Variants in NEXMIF observed in about 807,000 individuals in gnomAD.
NEXMIF encodes the protein neurite extension and migration factor.
A neutral mutation model predicts 62.1 loss-of-function variants in NEXMIF; 8 were observed. The ratio of observed to expected loss-of-function variants is 0.13; its 90% CI spans 0.08 to 0.23. NEXMIF has a LOEUF of 0.23. Ranked by LOEUF, NEXMIF falls within the 10% of genes least tolerant of loss-of-function variation. NEXMIF has a pLI of 1.00. For synonymous variants in NEXMIF, 404 were observed against 416.6 expected, an observed-to-expected ratio of 0.97 and a Z score of 0.37; for missense variants, 976 against 1,113.3, an observed-to-expected ratio of 0.88 and a Z score of 1.75.
intron 1 of NEXMIF, among the ~76,000 whole-genome samples, chrX:74,795,433 C>T (rs766726158): frequency 2.7e-5 from 3 of 111,988 alleles, no homozygotes; most frequent in African/African-American, 6.5e-5. Flanking sequence ...AGAAGCCATA[C>T]CCAAAGACTA....
chrX:74,904,072 C>A (rs1217592582), intron 1 of NEXMIF, among the ~76,000 whole-genome samples: 1 of 111,039 alleles, frequency 9.0e-6, no homozygotes, highest in East Asian at 2.8e-4. Context: ...GAAACTACCA[C>A]AGTCTTTTCC....
At chrX:74,885,492 A>T (rs1317790779) in intron 1 of NEXMIF, among the ~76,000 whole-genome samples, 1 of 111,863 alleles carries the variant, frequency 8.9e-6, no homozygotes, top group African/African-American at 3.2e-5. Context: ...AGAAATACAA[A>T]CTACCATCAG....
chrX:74,864,143 G>A (rs1193404939), intron 1 of NEXMIF, among the ~76,000 whole-genome samples: 1 of 111,413 alleles, frequency 9.0e-6, no homozygotes, highest in Non-Finnish European at 1.9e-5. Context: ...ATGAAAGCTG[G>A]AAGCATTCCA....
intron 1 of NEXMIF, among the ~76,000 whole-genome samples, chrX:74,863,004 C>A (rs1447147870): frequency 9.1e-6 from 1 of 109,843 alleles, no homozygotes; most frequent in Non-Finnish European, 1.9e-5. Context: ...AACTCGGTCC[C>A]TACAAAAAAA....
intron 1 of NEXMIF, among the ~76,000 whole-genome samples, chrX:74,796,209 T>TTATATATACATATATAATA (rs2080308951): frequency 4.3e-5 from 2 of 46,615 alleles, no homozygotes; most frequent in Non-Finnish European, 7.8e-5. Context: ...TACATATATA[T>TTATATATACATATATAATA]TATATATATA....
At chrX:74,784,537 C>T (rs1361304664) in intron 1 of NEXMIF, among the ~76,000 whole-genome samples, 2 of 110,875 alleles carry the variant, frequency 1.8e-5, no homozygotes, top group Non-Finnish European at 3.8e-5. Flanking sequence ...AGCTCTAGCT[C>T]TCTTTACTCA....
intron 1 of NEXMIF, among the ~76,000 whole-genome samples, chrX:74,854,511 G>A (rs143716260): frequency 8.5e-4 from 95 of 111,786 alleles, no homozygotes; most frequent in African/African-American, 2.8e-3. Context: ...TCTGAGAACT[G>A]GAGCAAGAAA....
chrX:74,746,915 T>C (rs1037279407), intron 1 of NEXMIF, among the ~76,000 whole-genome samples: 1 of 112,566 alleles, frequency 8.9e-6, no homozygotes, highest in African/African-American at 3.2e-5. Context: ...AGAGAAAATA[T>C]ATGCTTACTT....
chrX:74,752,725 T>C (rs1317354488), intron 1 of NEXMIF, among the ~76,000 whole-genome samples: 1 of 111,938 alleles, frequency 8.9e-6, no homozygotes, highest in Non-Finnish European at 1.9e-5. Context: ...TCTTAACTTT[T>C]AAACCTTATA....
chrX:74,801,053 G>A (rs975101546), intron 1 of NEXMIF, among the ~76,000 whole-genome samples: 1 of 111,283 alleles, frequency 9.0e-6, no homozygotes, highest in East Asian at 2.8e-4. Flanking sequence ...CCAGAATGTC[G>A]TATAGTCGGA....
intron 1 of NEXMIF, among the ~76,000 whole-genome samples, chrX:74,886,684 T>C (rs2080695131): frequency 2.7e-5 from 3 of 110,865 alleles, no homozygotes; most frequent in African/African-American, 1.0e-4. Context: ...TCCATGCTCA[T>C]GGGTAGGAAG....
chrX:74,769,640 G>T, intron 1 of NEXMIF: 2 of 668,109 alleles, frequency 3.0e-6, no homozygotes, highest in Non-Finnish European at 4.9e-6. Context: ...CACGGTATCC[G>T]AACTTTGTAA....
At chrX:74,884,465 TG>T (rs762028406) in intron 1 of NEXMIF, among the ~76,000 whole-genome samples, 7 of 110,314 alleles carry the variant, frequency 6.3e-5, no homozygotes, top group Non-Finnish European at 1.1e-4. Context: ...ACCAAGCAAA[TG>T]GAAAACAAAA....
chrX:74,775,155 T>C (rs2080225268), intron 1 of NEXMIF, among the ~76,000 whole-genome samples: 2 of 111,766 alleles, frequency 1.8e-5, no homozygotes, highest in Non-Finnish European at 3.8e-5. Flanking sequence ...GCCTTATTCC[T>C]TTCTAGCTCC....
chrX:74,872,172 C>T (rs757305756), intron 1 of NEXMIF, among the ~76,000 whole-genome samples: 13 of 110,989 alleles, frequency 1.2e-4, no homozygotes, highest in Admixed American at 9.7e-5. Context: ...TTCAGCCGGT[C>T]CCCCCGTTCA....
At chrX:74,818,377 A>T (rs1321366012) in intron 1 of NEXMIF, among the ~76,000 whole-genome samples, 1 of 111,638 alleles carries the variant, frequency 9.0e-6, no homozygotes, top group Non-Finnish European at 1.9e-5. Context: ...TGGGGAAAGG[A>T]CTCCCTATTC....
chrX:74,809,224 TAAA>T (rs1018045024), intron 1 of NEXMIF, among the ~76,000 whole-genome samples: 3 of 110,343 alleles, frequency 2.7e-5, no homozygotes, highest in Admixed American at 9.7e-5. Flanking sequence ...AAACACTGCT[TAAA>T]AAAAAATAAG....
intron 1 of NEXMIF, among the ~76,000 whole-genome samples, chrX:74,833,540 A>G (rs2080446019): frequency 9.0e-6 from 1 of 111,338 alleles, no homozygotes; most frequent in Non-Finnish European, 1.9e-5. Context: ...CAGCTATTTT[A>G]TATCTTTTGA....
intron 1 of NEXMIF, among the ~76,000 whole-genome samples, chrX:74,875,912 T>A (rs1220955842): frequency 9.0e-6 from 1 of 111,656 alleles, no homozygotes; most frequent in Non-Finnish European, 1.9e-5. Context: ...TTGCTAGTGG[T>A]CTATCAATTT....
Sources: gnomAD v4.1 joint callset for allele counts (sites outside exome capture counted in the v4.1 genomes callset) on GRCh38, gnomAD v4.1.1 for gene constraint, MANE v1.5 for transcripts, NCBI Gene and HGNC (gene_info 2026-07-23, HGNC 2026-07-21) for gene names.